ADAMTS7: variants seen among roughly 807,000 people sequenced by gnomAD.
ADAMTS7 encodes the protein A disintegrin and metalloproteinase with thrombospondin motifs 7.
In ADAMTS7, 89 loss-of-function variants were observed where a neutral mutation model predicts 172.6. That is an observed-to-expected ratio of 0.52 (90% CI 0.43 to 0.61). The LOEUF (loss-of-function observed/expected upper bound fraction) is 0.61. Among genes scored for constraint, ADAMTS7 ranks in the 20% least tolerant of loss-of-function variants. The probability of loss-of-function intolerance (pLI) is 0.00; values close to 1 mark genes in which losing one functional copy is unlikely to be tolerated. For missense variants in ADAMTS7, 1,973 were observed against 2,355.6 expected (o/e 0.84, Z 3.36); for synonymous variants, 885 against 978.4 (o/e 0.90, Z 1.78).
chr15:78,790,890 G>A (rs2055571090), intron 5 of ADAMTS7, 96 bp from the exon 6 acceptor site: 3 of 1,560,472 alleles, frequency 1.9e-6, no homozygotes, highest in African/African-American at 1.4e-5. Flanking sequence ...CAGAGGCCCA[G>A]CAGGGAAGTG....
intron 1 of ADAMTS7, among the ~76,000 whole-genome samples, chr15:78,803,381 A>C (rs2055750204): frequency 6.6e-6 from 1 of 152,148 alleles, no homozygotes; most frequent in Non-Finnish European, 1.5e-5. Flanking sequence ...ACAACAAAAC[A>C]AAAAATAATT....
chr15:78,781,353 T>C (rs960539205), intron 8 of ADAMTS7, among the ~76,000 whole-genome samples: 1 of 152,154 alleles, frequency 6.6e-6, no homozygotes, highest in Non-Finnish European at 1.5e-5. Flanking sequence ...TTCCACCTCC[T>C]GGGCCTCGGG....
rs1309405734 is a variant in ADAMTS7, at chr15:78,768,187, AG to A, written c.2590del (p.Leu864TrpfsTer93). ...CCTCTGTTGGTCATCAGGCCGGCCC[AG>A]GGGGTCACAGTGCTCCTCGTCCACG... ...GPVDEEHCDP[L>X]GRPDDQQRKC... On this transcript the variant is annotated frameshift_variant, in exon 17 of 24. Coordinates refer to ENST00000388820, the MANE Select transcript of ADAMTS7 (RefSeq NM_014272.5). LOFTEE classifies it high-confidence loss of function. 1.2e-6 allele frequency: 2 copies of A among 1,608,652 alleles called. No individual in the cohort carries two copies. Among genetic ancestry groups the A allele is most frequent in the Non-Finnish European group, 1.7e-6 (2 of 1,179,214 alleles).
intron 16 of ADAMTS7, among the ~76,000 whole-genome samples, chr15:78,768,862 G>A (rs2055202847): frequency 6.6e-6 from 1 of 152,144 alleles, no homozygotes; most frequent in Non-Finnish European, 1.5e-5. Context: ...GGGTGACCGG[G>A]GCTGGGGCTT....
In ADAMTS7 at chr15:78,790,672, G is replaced by A; in HGVS notation, c.1026C>T (p.Thr342=). Residue 342 remains threonine, a splice_region_variant and synonymous_variant, in exon 6 of 24, where the codon ACC becomes ACT. Coordinates refer to ENST00000388820, the MANE Select transcript of ADAMTS7 (RefSeq NM_014272.5). ...CCACCCTCCTGCGGCTGCAGTACCT[G>A]GTGAGCAGGATGGCAGTGTCATGGT... ...PLHHDTAILL[T]RKDLCAAMNR... 1 of 1,613,636 alleles carries A rather than the reference G, an allele frequency of 6.2e-7. No homozygotes were observed. Among genetic ancestry groups the A allele is most frequent in the Non-Finnish European group, 8.5e-7 (1 of 1,180,004 alleles).
At position 78,766,631 on chromosome 15, in the gene ADAMTS7, G is replaced by C. The variant is rs534178213; in HGVS notation, c.3280C>G (p.Arg1094Gly). 1.9e-6 allele frequency: 3 copies of C among 1,609,230 alleles called. No individual in the cohort carries two copies. Among genetic ancestry groups the C allele is most frequent in the East Asian group, 2.2e-5 (1 of 44,860 alleles). The change falls in exon 19 of 24, where the codon CGG becomes GGG. Residue 1094 changes from arginine (R) to glycine (G), a missense_variant. Physicochemically the swap from Arg to Gly is moderately radical, Grantham distance 125 (BLOSUM62 -2). Transcript: ENST00000388820. ...PDLDLAGTGDRTPPPHSHPAA... is the reference protein window; with the variant it reads ...PDLDLAGTGDGTPPPHSHPAA... ...GGATGGCTGTGTGGTGGGGGTGTCC[G>C]GTCCCCTGTCCCCGCCAGGTCTAGA...
Position 78,763,688 on chromosome 15 carries a change from G to C in ADAMTS7, c.4740+11C>G, listed in dbSNP as rs1044612503. 3.3e-6 allele frequency: 5 copies of C among 1,523,002 alleles called. No homozygotes were observed. The African/African-American group carries it at 6.9e-5, about 21-fold the overall frequency. The allele number at this position is 1,523,002 out of a possible 1,614,324, so 94.3% of individuals were successfully genotyped here. A position where few individuals can be genotyped will look rare whatever the true frequency, so the allele number is the denominator to read the frequency against. ...CACTTGCTCCCTGCTCCTCCCCGCA[G>C]CCCGGCTCACCTGGCCCCAGGGCCC... On this transcript the variant is annotated intron_variant, in intron 22 of 23. Coordinates refer to ENST00000388820, the MANE Select transcript of ADAMTS7 (RefSeq NM_014272.5).
intron 8 of ADAMTS7, among the ~76,000 whole-genome samples, chr15:78,786,420 T>C (rs1261408229): frequency 2.0e-5 from 3 of 152,222 alleles, no homozygotes; most frequent in African/African-American, 4.8e-5. Context: ...AAACATGTTA[T>C]GTCAACAACT....
chr15:78,764,672 C>T lies in ADAMTS7; in HGVS notation c.4302G>A (p.Arg1434=). Reference sequence around the variant, plus strand: ...CCCGGCCGGAGCTACAGCGCACCGGCCTCCAGACCGCACCCAGGCCACAGG... The same window carrying T: ...CCCGGCCGGAGCTACAGCGCACCGGTCTCCAGACCGCACCCAGGCCACAGG... ...STTCGLGAVW[R]PVRCSSGRDE... The change falls in exon 20 of 24, where the codon AGG becomes AGA. Residue 1434 remains arginine, a synonymous_variant. Transcript: ENST00000388820. The T allele has an allele frequency of 4.5e-6, 7 of 1,566,396 alleles. No homozygotes were observed. The highest frequency in any genetic ancestry group is 6.0e-6 in the Non-Finnish European group (7 of 1,164,964).
rs867972448 is a variant in ADAMTS7, at chr15:78,777,659, G to A, written c.1323-71C>T. On this transcript the variant is annotated intron_variant, in intron 8 of 23. Coordinates refer to ENST00000388820, the MANE Select transcript of ADAMTS7 (RefSeq NM_014272.5). The stretch of plus-strand genomic sequence containing the variant: ...CCATCGGAGAAGCCTTGGTGGGGCC[G>A]GGACAGGAGGAGAGGTGGGAGGGGG... The A allele has an allele frequency of 4.7e-5, 72 of 1,543,222 alleles. 1 individual carries two copies. Among genetic ancestry groups the A allele is most frequent in the East Asian group, 3.1e-4 (13 of 41,478 alleles).
intron 19 of ADAMTS7, 173 bp from the exon 20 acceptor site, chr15:78,764,880 T>G (rs2055115048): frequency 1.6e-6 from 1 of 643,568 alleles, no homozygotes; most frequent in Non-Finnish European, 2.5e-6. Context: ...AGGAAGACCG[T>G]GAGAATGAAA....
intron 1 of ADAMTS7, among the ~76,000 whole-genome samples, chr15:78,803,880 G>A (rs1596202308): frequency 6.6e-6 from 1 of 152,222 alleles, no homozygotes; most frequent in Non-Finnish European, 1.5e-5. Context: ...GCTGGGATTT[G>A]CTAATAATAT....
chr15:78,811,107 G>T lies in ADAMTS7; in HGVS notation c.100+14C>A. On this transcript the variant is annotated intron_variant, in intron 1 of 23. Coordinates refer to ENST00000388820, the MANE Select transcript of ADAMTS7 (RefSeq NM_014272.5). The stretch of plus-strand genomic sequence containing the variant: ...GTGGCAGGCCCGGCTGGCCGGGGAG[G>T]GGCGGACACCCACCTGGTGCGGGTC... 4 of 1,230,406 alleles carry T rather than the reference G, an allele frequency of 3.3e-6. No individual in the cohort carries two copies. Among genetic ancestry groups the T allele is most frequent in the Non-Finnish European group, 4.1e-6 (4 of 986,978 alleles). The allele number at this position is 1,230,406 out of a possible 1,614,324, so 76.2% of individuals were successfully genotyped here.
At position 78,791,225 on chromosome 15, in the gene ADAMTS7, T is replaced by G; in HGVS notation, c.820-2A>C. Reference sequence around the variant, plus strand: ...GGGGTCATGAAACAGGCCAGCCACCTGCCCAAGAGATGGGGGGGTCAGGTT... The same window carrying G: ...GGGGTCATGAAACAGGCCAGCCACCGGCCCAAGAGATGGGGGGGTCAGGTT... On this transcript the variant is annotated splice_acceptor_variant, in intron 4 of 23. Coordinates refer to ENST00000388820, the MANE Select transcript of ADAMTS7 (RefSeq NM_014272.5). LOFTEE classifies it high-confidence loss of function. The G allele has an allele frequency of 6.2e-7, 1 of 1,612,036 alleles. No homozygotes were observed. The highest frequency in any genetic ancestry group is 8.5e-7 in the Non-Finnish European group (1 of 1,179,088).
At chr15:78,787,036 T>C (rs2055511150) in intron 8 of ADAMTS7, among the ~76,000 whole-genome samples, 2 of 152,216 alleles carry the variant, frequency 1.3e-5, no homozygotes, top group East Asian at 3.8e-4. Flanking sequence ...TGCTTTTCTC[T>C]AGCTTACTTT....
intron 8 of ADAMTS7, among the ~76,000 whole-genome samples, chr15:78,784,711 T>G (rs28605320): frequency 3.0e-4 from 45 of 152,170 alleles, no homozygotes; most frequent in African/African-American, 1.1e-3. Context: ...TCCTAAAAGC[T>G]TCCAGATTTT....
intron 11 of ADAMTS7, among the ~76,000 whole-genome samples, chr15:78,775,761 T>C (rs2055333689): frequency 6.6e-6 from 1 of 152,166 alleles, no homozygotes; most frequent in Non-Finnish European, 1.5e-5. Context: ...TAAACTGCAT[T>C]TGCCCCTGAC....
intron 4 of ADAMTS7, 92 bp from the exon 5 acceptor site, chr15:78,791,315 C>A: frequency 1.0e-6 from 1 of 1,001,762 alleles, no homozygotes. Flanking sequence ...CGCAGGGCAA[C>A]GCACACCTGT....
rs79913558 is a variant in ADAMTS7 at position 78,800,590 on chromosome 15, C to A, written c.101-43G>T. ...CAAACGCCTAGGCCCAGGGCAGACC[C>A]GGGTCCTTGCTGGTGGCCGGGGACC... On this transcript the variant is annotated intron_variant, in intron 1 of 23. Transcript: ENST00000388820. The A allele has an allele frequency of 0.011, 16,735 of 1,546,630 alleles. 661 individuals are homozygous for A. The East Asian group carries it at 0.14, about 13-fold the overall frequency.
Sources: allele counts gnomAD v4.1 joint callset (sites outside exome capture counted in the v4.1 genomes callset), GRCh38; gene constraint gnomAD v4.1.1; transcripts MANE v1.5; gene names NCBI Gene and HGNC (gene_info 2026-07-23, HGNC 2026-07-21).